The following WNT11 variants were observed in gnomAD, a reference collection of about 807,000 sequenced individuals.
The protein encoded by WNT11 is protein Wnt-11.
In WNT11, 20 loss-of-function variants were observed where a neutral mutation model predicts 35.6. The ratio of observed to expected loss-of-function variants is 0.56; its 90% CI spans 0.40 to 0.82. The LOEUF is 0.82. WNT11 is among the 40% of genes least tolerant of loss of function. WNT11 has a pLI of 0.00. For synonymous variants in WNT11, 200 were observed against 211.9 expected, an observed-to-expected ratio of 0.94 and a Z score of 0.49; for missense variants, 459 against 504.4, an observed-to-expected ratio of 0.91 and a Z score of 0.86.
chr11:76,189,265 C>A (rs1953142894), intron 4 of WNT11, among the ~76,000 whole-genome samples: 1 of 152,240 alleles, frequency 6.6e-6, no homozygotes, highest in Admixed American at 6.5e-5. Context: ...GGATCCCTGA[C>A]ATGCATTGTC....
At position 76,196,891 on chromosome 11, in the gene WNT11, TC is replaced by T. The variant is rs528725261; in HGVS notation, c.84-174del. 1.4e-4 allele frequency among the ~76,000 whole-genome samples: 21 copies of T among 152,288 alleles called. No individual in the cohort carries two copies. In the South Asian group the frequency reaches 3.9e-3, roughly 29 times the overall value. On this transcript the variant is annotated intron_variant, in intron 1 of 4. Coordinates refer to ENST00000322563, the MANE Select transcript of WNT11 (RefSeq NM_004626.3). Reference sequence around the variant, plus strand: ...AACTGTCAGCTGGCAGAGCAGTGGATCCCCCTCACACCCCATGTGACCTTGG... The same window carrying T: ...AACTGTCAGCTGGCAGAGCAGTGGATCCCCTCACACCCCATGTGACCTTGG...
At chr11:76,209,390 C>T (rs1218135183), upstream of WNT11, among the ~76,000 whole-genome samples, 5 of 56,788 alleles carry the variant, frequency 8.8e-5, no homozygotes, top group African/African-American at 3.1e-4. Context: ...GGGACCAGGC[C>T]ACGCCGGCCC....
upstream of WNT11, among the ~76,000 whole-genome samples, chr11:76,208,237 A>G (rs1163934866): frequency 1.3e-5 from 2 of 152,256 alleles, no homozygotes; most frequent in African/African-American, 4.8e-5. Flanking sequence ...GGTAGTCAGC[A>G]CGCAGAGATG....
rs532326219 is a variant in WNT11 at position 76,205,320 on chromosome 11, A to C, written c.83+1005T>G. 1.6e-3 allele frequency among the ~76,000 whole-genome samples: 227 copies of C among 140,820 alleles called. 1 individual carries two copies. The highest frequency in any genetic ancestry group is 7.4e-4 in the Non-Finnish European group (48 of 64,788). 92.4% of individuals were successfully genotyped at this position (140,820 alleles called of 152,430 possible). ...ACCTGCCCCCTGCTGTCTTATCTGC[A>C]GGCTCCCTGCCCTGGCCCCAGATTC... is the stretch of plus-strand genomic sequence containing the variant. On this transcript the variant is annotated intron_variant, in intron 1 of 4. Transcript: ENST00000322563.
Position 76,186,766 on chromosome 11 carries a change from T to C in WNT11, c.*299A>G. ...GTGGCCCTGAAAGGTCAAGTCTGTA[T>C]CAGTCTCACCGATCCCAAGCCCCGC... On this transcript the variant is annotated 3_prime_UTR_variant, in exon 5 of 5. Coordinates refer to ENST00000322563, the MANE Select transcript of WNT11 (RefSeq NM_004626.3). 3.9e-6 allele frequency: 2 copies of C among 507,882 alleles called. No individual in the cohort carries two copies. Among genetic ancestry groups the C allele is most frequent in the South Asian group, 3.2e-5 (2 of 62,312 alleles). 31.5% of individuals were successfully genotyped at this position (507,882 alleles called of 1,614,324 possible).
At chr11:76,204,091 C>T (rs922429114) in intron 1 of WNT11, among the ~76,000 whole-genome samples, 1 of 152,190 alleles carries the variant, frequency 6.6e-6, no homozygotes, top group Admixed American at 6.5e-5. Flanking sequence ...GCACTTAGAA[C>T]GGCACCTAGC....
intron 4 of WNT11, 41 bp from the exon 5 acceptor site, chr11:76,187,280 C>G: frequency 6.4e-7 from 1 of 1,568,974 alleles, no homozygotes; most frequent in Admixed American, 1.7e-5. Context: ...ATGCCTTGGT[C>G]ACCACCCCAC....
rs1161648725 is a variant in WNT11, at chr11:76,191,736, G to C, written c.718C>G (p.Arg240Gly). 1 of 1,613,714 alleles carries C rather than the reference G, an allele frequency of 6.2e-7. No homozygotes were observed. The highest frequency in any genetic ancestry group is 2.2e-5 in the East Asian group (1 of 44,888). Reference protein sequence around the residue: ...LQDVAADLKTRYLSATKVVHR... With the variant: ...LQDVAADLKTGYLSATKVVHR... ...ACTACCTTGGTGGCCGACAGGTATC[G>C]GGTCTTGAGGTCAGCAGCCACATCC... Residue 240 changes from arginine (R) to glycine (G), a missense_variant, in exon 4 of 5, where the codon CGA (arginine) becomes GGA (glycine). By Grantham distance (125) the Arg-to-Gly change is moderately radical. Transcript: ENST00000322563.
intron 1 of WNT11, among the ~76,000 whole-genome samples, chr11:76,204,824 G>T (rs1352314151): frequency 6.6e-6 from 1 of 152,082 alleles, no homozygotes; most frequent in Non-Finnish European, 1.5e-5. Flanking sequence ...CAGGGATGAT[G>T]GCAGTGACCC....
intron 2 of WNT11, among the ~76,000 whole-genome samples, chr11:76,195,618 A>T (rs73500097): frequency 6.6e-6 from 1 of 152,186 alleles, no homozygotes; most frequent in African/African-American, 2.4e-5. Flanking sequence ...GCAAGCAGCC[A>T]GTTGTGGCCC....
Position 76,200,408 on chromosome 11 carries a change from C to T in WNT11, c.84-3690G>A, listed in dbSNP as rs60419762. ...TGGGCTCTGACCACACAGAGGCAAA[C>T]GTCATCACCTCAGTGTGTTTCCCGG... is the stretch of plus-strand genomic sequence containing the variant. On this transcript the variant is annotated intron_variant, in intron 1 of 4. Transcript: ENST00000322563. 6.0e-3 allele frequency among the ~76,000 whole-genome samples: 908 copies of T among 152,348 alleles called. 11 individuals are homozygous for T. Among genetic ancestry groups the T allele is most frequent in the African/African-American group, 0.021 (870 of 41,570 alleles).
intron 4 of WNT11, 96 bp from the exon 5 acceptor site, chr11:76,187,335 T>C (rs1376871743): frequency 1.6e-6 from 2 of 1,237,670 alleles, no homozygotes; most frequent in Non-Finnish European, 2.1e-6. Flanking sequence ...GCGTCTCCCA[T>C]GGCCACCGAC....
intron 1 of WNT11, among the ~76,000 whole-genome samples, chr11:76,200,258 C>T (rs529933602): frequency 1.3e-5 from 2 of 152,294 alleles, no homozygotes; most frequent in South Asian, 2.1e-4. Context: ...TGCCAGCATC[C>T]GGCACAGGGT....
intron 1 of WNT11, among the ~76,000 whole-genome samples, chr11:76,196,976 C>T (rs1565194457): frequency 6.6e-6 from 1 of 152,228 alleles, no homozygotes; most frequent in Non-Finnish European, 1.5e-5. Context: ...ATCACAACCC[C>T]ATCCTACCTA....
chr11:76,196,671 T>C lies in WNT11; in HGVS notation c.131A>G (p.His44Arg). The change falls in exon 2 of 5, where the codon CAC becomes CGC. Residue 44 changes from histidine (H) to arginine (R), a missense_variant. By Grantham distance (29) the His-to-Arg change is conservative. Transcript: ENST00000322563. ...PSALALNQTQ[H>R]CKQLEGLVSA... ...CACCAGACCCTCCAGCTGCTTGCAGTGTTGCGTCTGGTTCAGTGCCAGGGC... is the reference window on the plus strand; with the variant it reads ...CACCAGACCCTCCAGCTGCTTGCAGCGTTGCGTCTGGTTCAGTGCCAGGGC... 6.2e-7 allele frequency: 1 copy of C among 1,613,424 alleles called. No homozygotes were observed. Among genetic ancestry groups the C allele is most frequent in the Non-Finnish European group, 8.5e-7 (1 of 1,179,924 alleles).
intron 1 of WNT11, among the ~76,000 whole-genome samples, chr11:76,205,629 A>G (rs1180757819): frequency 6.6e-6 from 1 of 152,120 alleles, no homozygotes; most frequent in Non-Finnish European, 1.5e-5. Flanking sequence ...TCCTCCGGGA[A>G]GGGGCTGGTG....
At position 76,206,344 on chromosome 11, in the gene WNT11, A is replaced by T. The variant is rs1454342130; in HGVS notation, c.64T>A (p.Cys22Ser). The change falls in exon 1 of 5, where the codon TGC (cysteine) becomes AGC (serine). Residue 22 changes from cysteine to serine, a missense_variant. Physicochemically the swap from Cys to Ser is moderately radical, Grantham distance 112. Coordinates refer to ENST00000322563, the MANE Select transcript of WNT11 (RefSeq NM_004626.3). The part of the protein sequence containing the change: ...LFALALQTGV[C>S]YGIKWLALSK... ...ACTCACAGCCACTTGATGCCATAGC[A>T]CACGCCGGTCTGGAGCGCCAGGGCG... 3 of 1,574,470 alleles carry T rather than the reference A, an allele frequency of 1.9e-6. No homozygotes were observed.
Position 76,194,734 on chromosome 11 carries a change from G to A in WNT11, c.430C>T (p.Pro144Ser), listed in dbSNP as rs1280660061. The change falls in exon 3 of 5, where the codon CCA becomes TCA. Residue 144 changes from proline to serine, a missense_variant. Pro to Ser is a moderately conservative substitution (Grantham distance 74, BLOSUM62 -1). Coordinates refer to ENST00000322563, the MANE Select transcript of WNT11 (RefSeq NM_004626.3). The surrounding 1 kb of genome is among the most constrained non-coding windows in gnomAD (Gnocchi z 5.4). ...TTCCCGGGCCCGGGTGGCTCACCTG[G>A]GACGGGGCCGCAGGAGCAGCCGGGC... ...DLPGCSCGPVPGEPPGPGNRW... is the reference protein window; with the variant it reads ...DLPGCSCGPVSGEPPGPGNRW... 6.4e-7 allele frequency: 1 copy of A among 1,550,576 alleles called. No homozygotes were observed. The highest frequency in any genetic ancestry group is 8.7e-7 in the Non-Finnish European group (1 of 1,147,384).
chr11:76,201,376 G>A (rs150169587), intron 1 of WNT11, among the ~76,000 whole-genome samples: 118 of 152,332 alleles, frequency 7.7e-4, no homozygotes, highest in African/African-American at 2.6e-3. Context: ...AGGGCCATGC[G>A]GTCATCTGGT....
Sources: gnomAD v4.1 joint callset for allele counts (sites outside exome capture counted in the v4.1 genomes callset) on GRCh38, gnomAD v4.1.1 for gene constraint, Gnocchi (gnomAD v3.1) non-coding constraint, MANE v1.5 for transcripts, NCBI Gene and HGNC (gene_info 2026-07-23, HGNC 2026-07-21) for gene names.